CECR2: variants seen among roughly 807,000 people sequenced by gnomAD.
CECR2 encodes the protein chromatin remodeling regulator CECR2.
CECR2 carries 30 observed loss-of-function variants against 154.5 expected under a neutral mutation model. The ratio of observed to expected loss-of-function variants is 0.19; its 90% CI spans 0.15 to 0.26. The LOEUF is 0.26. Among genes scored for constraint, CECR2 ranks in the 10% least tolerant of loss-of-function variants. The probability of loss-of-function intolerance (pLI) is 1.00; values close to 1 mark genes in which losing one functional copy is unlikely to be tolerated. For missense variants in CECR2, 1,743 were observed against 1,829.3 expected (o/e 0.95, Z 0.86); for synonymous variants, 725 against 683.7 (o/e 1.06, Z -0.94).
intron 16 of CECR2, among the ~76,000 whole-genome samples, chr22:17,547,496 C>A (rs112360252): frequency 0.02 from 3,017 of 152,262 alleles, 42 homozygotes; most frequent in Non-Finnish European, 0.032. Flanking sequence ...TCCCAAAATG[C>A]TGGGATTACA....
chr22:17,368,066 A>G (rs2063012375), upstream of CECR2, among the ~76,000 whole-genome samples: 1 of 152,148 alleles, frequency 6.6e-6, no homozygotes, highest in African/African-American at 2.4e-5. Context: ...AAGATGATGT[A>G]TTTTGAGATT....
At chr22:17,396,193 GATC>G (rs1308843777) in intron 1 of CECR2, among the ~76,000 whole-genome samples, 1 of 146,406 alleles carries the variant, frequency 6.8e-6, no homozygotes, top group African/African-American at 2.5e-5. Flanking sequence ...AGTAAGCCAT[GATC>G]ATACCACTGC....
At chr22:17,505,534 CTTTTTTTTT>C (rs11387639) in intron 7 of CECR2, among the ~76,000 whole-genome samples, 17 of 98,840 alleles carry the variant, frequency 1.7e-4, no homozygotes, top group Admixed American at 3.7e-4. Context: ...CCTCTTTTTC[CTTTTTTTTT>C]TTTTTTTTTT....
chr22:17,450,056 A>G (rs376070539), intron 1 of CECR2, among the ~76,000 whole-genome samples: 7 of 152,186 alleles, frequency 4.6e-5, no homozygotes, highest in African/African-American at 1.7e-4. Flanking sequence ...TTTGGTAATA[A>G]ACAGATTATT....
chr22:17,362,806 G>T (rs2062983286), intron 1 of CECR2, among the ~76,000 whole-genome samples: 1 of 150,166 alleles, frequency 6.7e-6, no homozygotes, highest in African/African-American at 2.5e-5. Flanking sequence ...GGAGGCTGAG[G>T]CAGGAAAATT....
chr22:17,518,242 C>T (rs756845033), intron 8 of CECR2, among the ~76,000 whole-genome samples: 3 of 152,184 alleles, frequency 2.0e-5, no homozygotes, highest in South Asian at 2.1e-4. Flanking sequence ...GCTTTGCATA[C>T]GGTGTGCAGT....
At chr22:17,513,253 C>T (rs1263246634) in intron 8 of CECR2, among the ~76,000 whole-genome samples, 1 of 152,160 alleles carries the variant, frequency 6.6e-6, no homozygotes, top group Non-Finnish European at 1.5e-5. Context: ...ACTTTTTAAC[C>T]GTTTATCCTT....
At chr22:17,505,951 C>T (rs1569128658) in intron 7 of CECR2, among the ~76,000 whole-genome samples, 1 of 149,494 alleles carries the variant, frequency 6.7e-6, no homozygotes, top group African/African-American at 2.5e-5. Flanking sequence ...CTCATGTGAT[C>T]CTCTCATCTC....
chr22:17,483,856 T>C (rs1438751318), intron 2 of CECR2, among the ~76,000 whole-genome samples: 1 of 152,230 alleles, frequency 6.6e-6, no homozygotes, highest in South Asian at 2.1e-4. Flanking sequence ...AGAGCAACTT[T>C]AGTTCTGCAA....
At chr22:17,376,187 A>G (rs1053387796) in intron 1 of CECR2, among the ~76,000 whole-genome samples, 3 of 152,076 alleles carry the variant, frequency 2.0e-5, no homozygotes, top group Admixed American at 6.6e-5. Flanking sequence ...TCCCCTTTCT[A>G]TTTATACCCA....
intron 2 of CECR2, among the ~76,000 whole-genome samples, chr22:17,483,988 T>C (rs929634266): frequency 6.6e-6 from 1 of 152,214 alleles, no homozygotes; most frequent in African/African-American, 2.4e-5. Context: ...AACATTCCAT[T>C]ACAGTGGCTT....
intron 2 of CECR2, among the ~76,000 whole-genome samples, chr22:17,494,381 C>T (rs1406576022): frequency 2.6e-5 from 4 of 152,012 alleles, no homozygotes; most frequent in Non-Finnish European, 1.5e-5. Flanking sequence ...TTCACCGTTA[C>T]GACACTGTCT....
chr22:17,460,406 C>T (rs555594495), intron 1 of CECR2, among the ~76,000 whole-genome samples: 52 of 152,288 alleles, frequency 3.4e-4, no homozygotes, highest in African/African-American at 1.1e-3. Context: ...GACAGGATTT[C>T]GCCATGTTGG....
At chr22:17,441,265 A>G (rs2054581158) in intron 1 of CECR2, among the ~76,000 whole-genome samples, 1 of 152,112 alleles carries the variant, frequency 6.6e-6, no homozygotes, top group South Asian at 2.1e-4. Flanking sequence ...ACACATTAAA[A>G]TGATGCGTGT....
chr22:17,510,190 T>G (rs905941285), intron 7 of CECR2, among the ~76,000 whole-genome samples: 1 of 152,226 alleles, frequency 6.6e-6, no homozygotes, highest in Non-Finnish European at 1.5e-5. Context: ...GTAGCTTTTA[T>G]CTGATTTGGC....
At chr22:17,523,364 G>A (rs1297703955) in intron 8 of CECR2, among the ~76,000 whole-genome samples, 1 of 150,690 alleles carries the variant, frequency 6.6e-6, no homozygotes, top group Non-Finnish European at 1.5e-5. Flanking sequence ...GTCTCACAGA[G>A]TGAGATTCCA....
At chr22:17,395,726 A>G (rs2053798977) in intron 1 of CECR2, among the ~76,000 whole-genome samples, 1 of 152,224 alleles carries the variant, frequency 6.6e-6, no homozygotes. Context: ...ATATTTCTAC[A>G]GAAAAAAAAT....
chr22:17,495,861 C>CA (rs10558473), intron 2 of CECR2, among the ~76,000 whole-genome samples: 2,026 of 66,622 alleles, frequency 0.03, 72 homozygotes, highest in East Asian at 0.1. Context: ...GACTCTGTCT[C>CA]AAAAAAAAAA....
intron 16 of CECR2, among the ~76,000 whole-genome samples, chr22:17,544,505 A>C (rs1198042977): frequency 6.9e-6 from 1 of 145,580 alleles, no homozygotes; most frequent in Admixed American, 7.0e-5. Context: ...CTCAAAAAAA[A>C]AAAAAAAAAA....
Sources: gnomAD v4.1 joint callset for allele counts (sites outside exome capture counted in the v4.1 genomes callset) on GRCh38, gnomAD v4.1.1 for gene constraint, MANE v1.5 for transcripts, NCBI Gene and HGNC (gene_info 2026-07-23, HGNC 2026-07-21) for gene names.